The following OXR1 variants were observed in gnomAD, a reference collection of about 807,000 sequenced individuals.
The protein encoded by OXR1 is oxidation resistance protein 1.
A neutral mutation model predicts 104.6 loss-of-function variants in OXR1; 41 were observed. That is an observed-to-expected ratio of 0.39 (90% CI 0.31 to 0.51). The LOEUF (loss-of-function observed/expected upper bound fraction) is 0.51, where lower values mean the gene tolerates loss of function less well. Ranked by LOEUF, OXR1 falls within the 20% of genes least tolerant of loss-of-function variation. The probability of loss-of-function intolerance (pLI) is 0.77; values close to 1 mark genes in which losing one functional copy is unlikely to be tolerated. For synonymous variants in OXR1, 348 were observed against 348.4 expected (o/e 1.00, Z 0.01); for missense variants, 955 against 1,031.9 (o/e 0.93, Z 1.02).
chr8:106,308,256 T>A (rs1326918915), intron 1 of OXR1, among the ~76,000 whole-genome samples: 1 of 152,154 alleles, frequency 6.6e-6, no homozygotes, highest in Non-Finnish European at 1.5e-5. Context: ...AGAATTTCCA[T>A]CTCAAGGAGA....
At chr8:106,499,037 C>T (rs1403323893) in intron 2 of OXR1, among the ~76,000 whole-genome samples, 1 of 66,604 alleles carries the variant, frequency 1.5e-5, no homozygotes, top group Non-Finnish European at 3.4e-5. Context: ...TGGCGGGCGC[C>T]TGTAGTCCCA....
chr8:106,698,020 G>A lies in OXR1; in HGVS notation c.676-4886G>A, dbSNP rs555611616. 5.0e-6 allele frequency: 8 copies of A among 1,604,328 alleles called. No individual in the cohort carries two copies. In the East Asian group the frequency reaches 6.7e-5, roughly 13 times the overall value. On this transcript the variant is annotated intron_variant, in intron 7 of 16. Coordinates refer to ENST00000517566, the MANE Select transcript of OXR1 (RefSeq NM_001198533.2). ...CAGGTCCCCTGTTGGCCATTCCAAT[G>A]GGTGGCGGTGGCTGCGGGGAGCGTT... is the stretch of plus-strand genomic sequence containing the variant.
intron 2 of OXR1, among the ~76,000 whole-genome samples, chr8:106,372,573 A>G (rs1816755575): frequency 6.6e-6 from 1 of 152,128 alleles, no homozygotes; most frequent in Admixed American, 6.6e-5. Flanking sequence ...CAAATGAAAA[A>G]TTTTACACCT....
intron 3 of OXR1, among the ~76,000 whole-genome samples, chr8:106,654,013 A>G (rs1824847800): frequency 6.6e-6 from 1 of 152,116 alleles, no homozygotes; most frequent in Non-Finnish European, 1.5e-5. Flanking sequence ...ATGTCACAAA[A>G]AAGTACAAGA....
intron 15 of OXR1, 77 bp from the exon 16 acceptor site, chr8:106,745,712 G>A (rs1326272088): frequency 1.3e-5 from 9 of 670,776 alleles, no homozygotes; most frequent in Admixed American, 2.7e-5. Flanking sequence ...TTGTTAACTC[G>A]TTTGAGTTTT....
Position 106,671,402 on chromosome 8 carries a change from C to T in OXR1, c.221-7808C>T, listed in dbSNP as rs28921391. On this transcript the variant is annotated intron_variant, in intron 3 of 16. Coordinates refer to ENST00000517566, the MANE Select transcript of OXR1 (RefSeq NM_001198533.2). ...TCTTAAAAATAATGTTTTTTAAATA[C>T]GCATGTATTCAGCGTGTAAAACTGT... Among the ~76,000 whole-genome samples, 201 of 152,134 alleles carry T rather than the reference C, an allele frequency of 1.3e-3. 1 individual carries two copies. Among genetic ancestry groups the T allele is most frequent in the African/African-American group, 4.4e-3 (182 of 41,492 alleles).
chr8:106,501,301 A>G (rs1351888425), intron 2 of OXR1, among the ~76,000 whole-genome samples: 1 of 152,148 alleles, frequency 6.6e-6, no homozygotes, highest in Non-Finnish European at 1.5e-5. Flanking sequence ...AAGTTGGTGC[A>G]ATTTCTCAGA....
At chr8:106,491,859 A>C (rs899555312) in intron 2 of OXR1, among the ~76,000 whole-genome samples, 2 of 152,234 alleles carry the variant, frequency 1.3e-5, no homozygotes, top group Non-Finnish European at 2.9e-5. Flanking sequence ...TGCTTAACAC[A>C]TGCTAAGTTA....
intron 4 of OXR1, among the ~76,000 whole-genome samples, chr8:106,679,583 AT>A (rs775192214): frequency 5.3e-5 from 8 of 151,960 alleles, no homozygotes; most frequent in Non-Finnish European, 1.2e-4. Flanking sequence ...TTTTAGGAAA[AT>A]TTTTAGTTCT....
At chr8:106,277,857 C>T (rs1037105796) in intron 1 of OXR1, among the ~76,000 whole-genome samples, 2 of 152,140 alleles carry the variant, frequency 1.3e-5, no homozygotes, top group Admixed American at 6.6e-5. Context: ...AGCAAATATC[C>T]CTGGTCAGGT....
At chr8:106,408,197 G>A (rs1818316566) in intron 2 of OXR1, among the ~76,000 whole-genome samples, 1 of 152,254 alleles carries the variant, frequency 6.6e-6, no homozygotes, top group Admixed American at 6.5e-5. Flanking sequence ...ACTTGCCAAA[G>A]CCAAGAATGG....
At chr8:106,408,225 G>T (rs1818318665) in intron 2 of OXR1, among the ~76,000 whole-genome samples, 1 of 152,064 alleles carries the variant, frequency 6.6e-6, no homozygotes, top group Non-Finnish European at 1.5e-5. Context: ...CTCTGGAATA[G>T]TTACTTTTAG....
At chr8:106,615,834 A>C (rs1403158264) in intron 3 of OXR1, among the ~76,000 whole-genome samples, 1 of 152,148 alleles carries the variant, frequency 6.6e-6, no homozygotes, top group Non-Finnish European at 1.5e-5. Context: ...GAGAATAAGC[A>C]ACATCTCCCA....
At chr8:106,304,783 C>A (rs1813407026) in intron 1 of OXR1, among the ~76,000 whole-genome samples, 1 of 152,106 alleles carries the variant, frequency 6.6e-6, no homozygotes, top group Admixed American at 6.5e-5. Context: ...TTGGACAGCT[C>A]AGGTCTATTT....
intron 2 of OXR1, among the ~76,000 whole-genome samples, chr8:106,463,203 G>C (rs1016755034): frequency 6.6e-6 from 1 of 152,030 alleles, no homozygotes; most frequent in Non-Finnish European, 1.5e-5. Context: ...AATAAAGCTC[G>C]ATGCTCTCCT....
intron 2 of OXR1, among the ~76,000 whole-genome samples, chr8:106,462,286 A>T (rs761396289): frequency 2.0e-5 from 3 of 152,228 alleles, no homozygotes; most frequent in Non-Finnish European, 2.9e-5. Context: ...TTTAAAAGTT[A>T]CAAGGTTTAC....
chr8:106,462,613 T>C (rs1048521821), intron 2 of OXR1, among the ~76,000 whole-genome samples: 1 of 152,172 alleles, frequency 6.6e-6, no homozygotes, highest in Non-Finnish European at 1.5e-5. Context: ...TCATTTATTT[T>C]GTTTTCCTAA....
intron 1 of OXR1, among the ~76,000 whole-genome samples, chr8:106,294,410 A>C (rs1409718653): frequency 2.0e-5 from 3 of 148,464 alleles, no homozygotes; most frequent in Non-Finnish European, 4.5e-5. Context: ...AAAAAAAAAA[A>C]AAAAAGAAAG....
intron 3 of OXR1, among the ~76,000 whole-genome samples, chr8:106,590,984 G>C (rs1303245951): frequency 6.6e-6 from 1 of 152,042 alleles, no homozygotes; most frequent in Non-Finnish European, 1.5e-5. Context: ...TACATAGTTA[G>C]ATAAGCTTGC....
Sources: allele counts gnomAD v4.1 joint callset (sites outside exome capture counted in the v4.1 genomes callset), GRCh38; gene constraint gnomAD v4.1.1; transcripts MANE v1.5; gene names NCBI Gene and HGNC (gene_info 2026-07-23, HGNC 2026-07-21).